Variants in OMA1 observed in about 807,000 individuals in gnomAD.
OMA1 encodes the protein OMA1 zinc metallopeptidase, also known as metalloendopeptidase OMA1, mitochondrial.
A neutral mutation model predicts 30.9 loss-of-function variants in OMA1; 38 were observed. That is an observed-to-expected ratio of 1.23 (90% CI 0.95 to 1.61). OMA1 has a LOEUF of 1.61. OMA1 is among the 40% of genes most tolerant of loss of function. The pLI, the probability that OMA1 is intolerant of heterozygous loss-of-function variation, is 0.00. For synonymous variants in OMA1, 173 were observed against 121.9 expected, an observed-to-expected ratio of 1.42 and a Z score of -2.76; for missense variants, 461 against 349.2, an observed-to-expected ratio of 1.32 and a Z score of -2.55.
chr1:58,530,198 TA>T (rs1046971291), intron 6 of OMA1, among the ~76,000 whole-genome samples: 50 of 152,328 alleles, frequency 3.3e-4, no homozygotes, highest in African/African-American at 9.1e-4. Flanking sequence ...TGCCATTTTT[TA>T]TCAAGGACTT....
intron 2 of OMA1, among the ~76,000 whole-genome samples, chr1:58,537,136 GA>G (rs1324342133): frequency 6.6e-6 from 1 of 151,214 alleles, no homozygotes; most frequent in East Asian, 2.0e-4. Flanking sequence ...CCCTGTTACA[GA>G]AGATAAAATT....
At chr1:58,544,467 G>A (rs1392585883) in intron 1 of OMA1, among the ~76,000 whole-genome samples, 1 of 152,192 alleles carries the variant, frequency 6.6e-6, no homozygotes, top group Non-Finnish European at 1.5e-5. Context: ...TTGAATGGCA[G>A]GATGGTGGTT....
In OMA1 at chr1:58,536,564, T is replaced by A; in HGVS notation, c.678A>T (p.Leu226=). The A allele has an allele frequency of 1.1e-6, 1 of 872,852 alleles. No individual in the cohort carries two copies. Among genetic ancestry groups the A allele is most frequent in the Non-Finnish European group, 2.0e-6 (1 of 501,628 alleles). The allele number at this position is 872,852 out of a possible 1,614,324, so 54.1% of individuals were successfully genotyped here. ...GTCTGAACTGTTCTTTCCCCAATAATAGTAGCTTGCTCCTTCCTGTGATTG... is the reference window on the plus strand; with the variant it reads ...GTCTGAACTGTTCTTTCCCCAATAAAAGTAGCTTGCTCCTTCCTGTGATTG... ...VSPITGRSKL[L]LLGKEQFRLL... The change falls in exon 3 of 9, where the codon CTA becomes CTT. Residue 226 remains leucine (L), a synonymous_variant. Transcript: ENST00000371226.
chr1:58,541,634 A>AAAAAAC lies in OMA1; in HGVS notation c.-16-2325_-16-2324insGTTTTT, dbSNP rs1557461126. The AAAAAAC allele has an allele frequency of 5.2e-4, 77 of 148,856 alleles. 1 individual carries two copies. The highest frequency in any genetic ancestry group is 9.4e-4 in the Admixed American group (14 of 14,892). The allele number at this position is 148,856 out of a possible 1,614,324, so 9.2% of individuals were successfully genotyped here. On this transcript the variant is annotated intron_variant, in intron 1 of 8. Transcript: ENST00000371226. Reference sequence around the variant, plus strand: ...CCTGTCAAAAAAAAAAAAAAAAAAAAAAAAAAACCAAAAACAAAAAACAAA... The same window carrying AAAAAAC: ...CCTGTCAAAAAAAAAAAAAAAAAAAAAAAAACAAAAAAACCAAAAACAAAAAACAAA...
chr1:58,495,964 T>C (rs1487839971), intron 8 of OMA1, among the ~76,000 whole-genome samples: 2 of 152,202 alleles, frequency 1.3e-5, no homozygotes, highest in Non-Finnish European at 2.9e-5. Context: ...AGTTTAAATA[T>C]CTAAGCTTGT....
At chr1:58,545,703 T>C (rs1305976306) in intron 1 of OMA1, among the ~76,000 whole-genome samples, 1 of 152,244 alleles carries the variant, frequency 6.6e-6, no homozygotes, top group African/African-American at 2.4e-5. Flanking sequence ...CAGCACTCAC[T>C]GGCACTCACA....
At position 58,532,002 on chromosome 1, in the gene OMA1, C is replaced by T. The variant is rs1009139279; in HGVS notation, c.1012-1273G>A. Among the ~76,000 whole-genome samples, 6 of 152,208 alleles carry T rather than the reference C, an allele frequency of 3.9e-5. No individual in the cohort carries two copies. The South Asian group carries it at 1.2e-3, about 32-fold the overall frequency. ...GATTACAGGGGTGAGCCACTGTGCC[C>T]AGCCCAATTATGAAATTATTTTAAC... On this transcript the variant is annotated intron_variant, in intron 5 of 8. Transcript: ENST00000371226.
chr1:58,518,350 GAAGGGAAGGGAAGA>G (rs2100445812), intron 7 of OMA1, among the ~76,000 whole-genome samples: 4 of 44,094 alleles, frequency 9.1e-5, no homozygotes, highest in Non-Finnish European at 1.7e-4. Flanking sequence ...GAAGAGAAGA[GAAGGGAAGGGAAGA>G]GAAGAGAAGG....
Position 58,520,273 on chromosome 1 carries a change from G to A in OMA1, c.1215+6988C>T, listed in dbSNP as rs368082712. Among the ~76,000 whole-genome samples the A allele has an allele frequency of 5.3e-5, 8 of 152,178 alleles. No individual in the cohort carries two copies. In the East Asian group the frequency reaches 1.4e-3, roughly 26 times the overall value. ...GTTGAAAAAAATAAAAAATAAAAGAGCAAGCCACAGAATGAAAGAAAACAC... is the reference window on the plus strand; with the variant it reads ...GTTGAAAAAAATAAAAAATAAAAGAACAAGCCACAGAATGAAAGAAAACAC... On this transcript the variant is annotated intron_variant, in intron 7 of 8. Transcript: ENST00000371226.
At chr1:58,484,222 G>A (rs1374122358) in intron 8 of OMA1, among the ~76,000 whole-genome samples, 3 of 152,152 alleles carry the variant, frequency 2.0e-5, no homozygotes, top group African/African-American at 7.2e-5. Context: ...CATTAGAATT[G>A]TTCCCACAGT....
intron 8 of OMA1, among the ~76,000 whole-genome samples, chr1:58,498,356 G>T (rs1354770309): frequency 6.6e-6 from 1 of 151,910 alleles, no homozygotes; most frequent in African/African-American, 2.4e-5. Context: ...CTCATGAGAG[G>T]TTTAAATTTT....
rs561779982 is a variant in OMA1, at chr1:58,503,262, G to A, written c.1365+2798C>T. 7.2e-5 allele frequency among the ~76,000 whole-genome samples: 11 copies of A among 152,192 alleles called. No homozygotes were observed. The East Asian group carries it at 1.7e-3, about 24-fold the overall frequency. On this transcript the variant is annotated intron_variant, in intron 8 of 8. Coordinates refer to ENST00000371226, the MANE Select transcript of OMA1 (RefSeq NM_145243.5). ...TAGAGACAGGCCCAGGCCTCCCAGGGTGCGATAAAGTCCCAGGGGCCTTGG... is the reference window on the plus strand; with the variant it reads ...TAGAGACAGGCCCAGGCCTCCCAGGATGCGATAAAGTCCCAGGGGCCTTGG...
At chr1:58,542,841 G>A (rs532520172) in intron 1 of OMA1, among the ~76,000 whole-genome samples, 15 of 152,296 alleles carry the variant, frequency 9.8e-5, no homozygotes, top group African/African-American at 2.6e-4. Flanking sequence ...TAGCTACAGA[G>A]CTAGGAGTAG....
chr1:58,536,264 G>T (rs186557104), intron 3 of OMA1, among the ~76,000 whole-genome samples: 1 of 152,092 alleles, frequency 6.6e-6, no homozygotes, highest in Non-Finnish European at 1.5e-5. Flanking sequence ...ATCAAGGAAG[G>T]TTTTCCTGAG....
chr1:58,538,651 G>A (rs549204629), intron 2 of OMA1, 144 bp downstream of exon 2: 1 of 491,440 alleles, frequency 2.0e-6, no homozygotes, highest in Admixed American at 3.8e-5. Context: ...GAGCTAAATG[G>A]GGGGAGACAG....
intron 7 of OMA1, among the ~76,000 whole-genome samples, chr1:58,507,529 T>C (rs892838069): frequency 3.9e-5 from 6 of 151,974 alleles, no homozygotes; most frequent in African/African-American, 1.4e-4. Context: ...GTATTCTAAG[T>C]TGAAAAGAAT....
chr1:58,508,970 A>G (rs1321493092), intron 7 of OMA1, among the ~76,000 whole-genome samples: 1 of 152,134 alleles, frequency 6.6e-6, no homozygotes, highest in African/African-American at 2.4e-5. Flanking sequence ...GATGGACCAG[A>G]CAGGACCCTA....
At chr1:58,498,621 ACT>A (rs146558993) in intron 8 of OMA1, among the ~76,000 whole-genome samples, 2,498 of 152,166 alleles carry the variant, frequency 0.016, 53 homozygotes, top group East Asian at 0.12. Context: ...CAGAACAAAA[ACT>A]CTATAAAGGA....
rs150214311 is a variant in OMA1, at chr1:58,520,198, G to A, written c.1215+7063C>T. ...CATTTGTACACCAAATCTTAGCAAC[G>A]TGCAATTTACCCACGTAACAGACCT... is the stretch of plus-strand genomic sequence containing the variant. On this transcript the variant is annotated intron_variant, in intron 7 of 8. Transcript: ENST00000371226. 3.2e-3 allele frequency among the ~76,000 whole-genome samples: 488 copies of A among 152,054 alleles called. 5 individuals are homozygous for A. Among genetic ancestry groups the A allele is most frequent in the African/African-American group, 0.011 (467 of 41,460 alleles).
Sources: allele counts gnomAD v4.1 joint callset (sites outside exome capture counted in the v4.1 genomes callset), GRCh38; gene constraint gnomAD v4.1.1; transcripts MANE v1.5; gene names NCBI Gene and HGNC (gene_info 2026-07-23, HGNC 2026-07-21).